POSTN: variants seen among roughly 807,000 people sequenced by gnomAD.
POSTN encodes the protein osteoblast specific factor 2 (fasciclin I-like).
Under a neutral mutation model 104.5 loss-of-function variants are expected in POSTN, and 71 were observed. The ratio of observed to expected loss-of-function variants is 0.68; its 90% CI spans 0.56 to 0.83. The LOEUF (loss-of-function observed/expected upper bound fraction) is 0.83, where lower values mean the gene tolerates loss of function less well. Ranked by LOEUF, POSTN falls within the 40% of genes least tolerant of loss-of-function variation. POSTN has a pLI of 0.00. For missense variants in POSTN, 949 were observed against 1,006.8 expected, an observed-to-expected ratio of 0.94 and a Z score of 0.78; for synonymous variants, 355 against 340.7, an observed-to-expected ratio of 1.04 and a Z score of -0.46.
At position 37,580,595 on chromosome 13, in the gene POSTN, G is replaced by A. The variant is rs771314823; in HGVS notation, c.1495C>T (p.Leu499Phe). Residue 499 changes from leucine to phenylalanine, a missense_variant, in exon 11 of 23, where the codon CTC (leucine) becomes TTC (phenylalanine). Coordinates refer to ENST00000379747, the MANE Select transcript of POSTN (RefSeq NM_006475.3). The part of the protein sequence containing the change: ...REIIKPAEKS[L>F]HEKLKQDKRF... The stretch of plus-strand genomic sequence containing the variant: ...TTATCTTGTTTTAACTTTTCATGGA[G>A]GGATTTCTCTGCTGGCTTGATGATC... The A allele has an allele frequency of 2.5e-5, 40 of 1,613,950 alleles. No individual in the cohort carries two copies. The highest frequency in any genetic ancestry group is 3.3e-5 in the Admixed American group (2 of 59,992).
chr13:37,586,389 G>T, intron 6 of POSTN, 109 bp from the exon 7 acceptor site: 1 of 1,165,898 alleles, frequency 8.6e-7, no homozygotes, highest in South Asian at 1.7e-5. Context: ...ACACTATAGA[G>T]GTTTGTTGTT....
At chr13:37,578,965 G>C (rs577844900) in intron 14 of POSTN, 54 bp from the exon 15 acceptor site, 1 of 1,594,280 alleles carries the variant, frequency 6.3e-7, no homozygotes, top group Non-Finnish European at 8.5e-7. Context: ...AATAAAAATC[G>C]AGGTTCATAT....
At chr13:37,597,422 A>T (rs1233754284) in intron 1 of POSTN, 140 bp from the exon 2 acceptor site, 1 of 617,674 alleles carries the variant, frequency 1.6e-6, no homozygotes, top group Non-Finnish European at 2.7e-6. Flanking sequence ...CACAAATCTA[A>T]TTATTGACAC....
At chr13:37,570,902 C>G in intron 18 of POSTN, 1 of 442,630 alleles carries the variant, frequency 2.3e-6, no homozygotes, top group Non-Finnish European at 4.1e-6. Flanking sequence ...TCCTAACTCT[C>G]CATGTCATAC....
chr13:37,576,649 G>A (rs1950417652), intron 16 of POSTN, among the ~76,000 whole-genome samples: 1 of 151,980 alleles, frequency 6.6e-6, no homozygotes, highest in African/African-American at 2.4e-5. Context: ...GAAGAAAGAT[G>A]ACATAACATG....
At position 37,562,607 on chromosome 13, in the gene POSTN, A is replaced by T. The variant is rs534742146; in HGVS notation, c.*726T>A. 1 of 152,238 alleles carries T rather than the reference A, an allele frequency of 6.6e-6. No individual in the cohort carries two copies. The highest frequency in any genetic ancestry group is 1.9e-4 in the East Asian group (1 of 5,196). The allele number at this position is 152,238 out of a possible 1,614,324, so 9.4% of individuals were successfully genotyped here. A position where few individuals can be genotyped will look rare whatever the true frequency, so the allele number is the denominator to read the frequency against. On this transcript the variant is annotated 3_prime_UTR_variant, in exon 23 of 23. Transcript: ENST00000379747. ...TAATTTCATTCAATTTCCTTTAATG[A>T]GTACTTGTTACAGTAAAAGAGGTAT...
chr13:37,574,388 A>G (rs772513296), intron 17 of POSTN, among the ~76,000 whole-genome samples, 184 bp downstream of exon 17: 3 of 151,868 alleles, frequency 2.0e-5, no homozygotes, highest in Admixed American at 6.6e-5. Context: ...GGAATGCATC[A>G]TCTACTTTGC....
At position 37,571,464 on chromosome 13, in the gene POSTN, ACATTATT is replaced by A; in HGVS notation, c.2090-13_2090-7del. ...GACTTTTGTTAGTGTGGGTCCTGGG[ACATTATT>A]TTAGGAGACAAATTATCATGTTAAA... On this transcript the variant is annotated splice_polypyrimidine_tract_variant and splice_region_variant and intron_variant, in intron 17 of 22. Transcript: ENST00000379747. 1 of 1,580,570 alleles carries A rather than the reference ACATTATT, an allele frequency of 6.3e-7. No individual in the cohort carries two copies. The highest frequency in any genetic ancestry group is 8.7e-7 in the Non-Finnish European group (1 of 1,151,200).
Position 37,584,733 on chromosome 13 carries a change from AC to A in POSTN, c.1090del (p.Val364SerfsTer2), listed in dbSNP as rs768989443. On this transcript the variant is annotated frameshift_variant, in exon 8 of 23. Transcript: ENST00000379747. LOFTEE classifies it high-confidence loss of function. ...NNGVIHLIDQ[V>X]LIPDSAKQVI... ...TTGCTTACCAGAATCAGGAATTAGG[AC>A]CTGATCAATCAAATGGATCACACCA... The A allele has an allele frequency of 6.2e-7, 1 of 1,613,378 alleles. No homozygotes were observed. The highest frequency in any genetic ancestry group is 1.3e-5 in the African/African-American group (1 of 74,912).
At chr13:37,583,008 A>T (rs1950640855) in intron 9 of POSTN, among the ~76,000 whole-genome samples, 1 of 152,288 alleles carries the variant, frequency 6.6e-6, no homozygotes, top group Admixed American at 6.5e-5. Flanking sequence ...TAGGAATTCA[A>T]TTTTTTTGAT....
intron 18 of POSTN, chr13:37,571,009 C>A: frequency 3.5e-6 from 1 of 286,796 alleles, no homozygotes; most frequent in Non-Finnish European, 6.5e-6. Context: ...AGTGGAGTGG[C>A]TTATTAGACA....
chr13:37,572,962 G>A lies in POSTN; in HGVS notation c.2090-1504C>T, dbSNP rs188437356. On this transcript the variant is annotated intron_variant, in intron 17 of 22. Transcript: ENST00000379747. Reference sequence around the variant, plus strand: ...TCTGAACTCAAGTTATTAATGAGTAGGTGACACAACTCCATTTTTCATCCA... The same window carrying A: ...TCTGAACTCAAGTTATTAATGAGTAAGTGACACAACTCCATTTTTCATCCA... 1.9e-3 allele frequency among the ~76,000 whole-genome samples: 295 copies of A among 151,580 alleles called. 1 individual carries two copies. The highest frequency in any genetic ancestry group is 0.014 in the South Asian group (68 of 4,820).
chr13:37,597,297 G>A lies in POSTN; in HGVS notation c.120-15C>T. 1 of 1,537,256 alleles carries A rather than the reference G, an allele frequency of 6.5e-7. No homozygotes were observed. Among genetic ancestry groups the A allele is most frequent in the Admixed American group, 2.1e-5 (1 of 47,358 alleles). ...AGACATTTGGGCTGGAGGATAGAGGGAAAGGAAAAAAGTTAATGTCCTAAT... is the reference window on the plus strand; with the variant it reads ...AGACATTTGGGCTGGAGGATAGAGGAAAAGGAAAAAAGTTAATGTCCTAAT... On this transcript the variant is annotated splice_polypyrimidine_tract_variant and intron_variant, in intron 1 of 22. Transcript: ENST00000379747.
At position 37,582,418 on chromosome 13, in the gene POSTN, T is replaced by G; in HGVS notation, c.1340A>C (p.Gln447Pro). 1 of 1,614,002 alleles carries G rather than the reference T, an allele frequency of 6.2e-7. No individual in the cohort carries two copies. Among genetic ancestry groups the G allele is most frequent in the Non-Finnish European group, 8.5e-7 (1 of 1,179,938 alleles). ...TTTGCCTCCGATGGTTTCCAGTATT[T>G]GCCCGTTGTAAAGCTCATTAAGGCC... ...KVGLNELYNGQILETIGGKQL... is the reference protein window; with the variant it reads ...KVGLNELYNGPILETIGGKQL... Residue 447 changes from glutamine (Q) to proline (P), a missense_variant, in exon 10 of 23, where the codon CAA (glutamine) becomes CCA (proline). By Grantham distance (76) the Gln-to-Pro change is moderately conservative. Transcript: ENST00000379747.
chr13:37,564,597 AT>A, intron 21 of POSTN, 37 bp from the exon 22 acceptor site: 1 of 1,294,970 alleles, frequency 7.7e-7, no homozygotes. Flanking sequence ...ATACTTCGCA[AT>A]TATGGCTAAA....
intron 21 of POSTN, chr13:37,568,646 G>C (rs1850857069): frequency 6.6e-6 from 1 of 150,996 alleles, no homozygotes; most frequent in Admixed American, 6.6e-5. Context: ...CAACATCTTT[G>C]AATAATTACT....
intron 10 of POSTN, 124 bp from the exon 11 acceptor site, chr13:37,580,821 C>G (rs1271141067): frequency 1.6e-5 from 18 of 1,121,302 alleles, no homozygotes; most frequent in Non-Finnish European, 2.2e-5. Context: ...TCTGAGGCCA[C>G]GGGAACAGCT....
chr13:37,590,256 A>G (rs561667508), intron 4 of POSTN, 116 bp downstream of exon 4: 1 of 762,384 alleles, frequency 1.3e-6, no homozygotes, highest in Non-Finnish European at 2.0e-6. Flanking sequence ...AGGTATTCTC[A>G]TATATGTACA....
In POSTN at chr13:37,582,591, T is replaced by C. The variant is rs190078176; in HGVS notation, c.1244-77A>G. The stretch of plus-strand genomic sequence containing the variant: ...AGTTTCTCCCGGTAAGACAGAATCA[T>C]ATAAACAGATAATCCCTGACATTAT... On this transcript the variant is annotated intron_variant, in intron 9 of 22. Coordinates refer to ENST00000379747, the MANE Select transcript of POSTN (RefSeq NM_006475.3). The C allele has an allele frequency of 1.6e-4, 208 of 1,289,480 alleles. 1 individual carries two copies. The African/African-American group carries it at 2.7e-3, about 16-fold the overall frequency. 79.9% of individuals were successfully genotyped at this position (1,289,480 alleles called of 1,614,324 possible).
Sources: gnomAD v4.1 joint callset for allele counts (sites outside exome capture counted in the v4.1 genomes callset) on GRCh38, gnomAD v4.1.1 for gene constraint, MANE v1.5 for transcripts, NCBI Gene and HGNC (gene_info 2026-07-23, HGNC 2026-07-21) for gene names.